Variants in GRM7 observed in about 807,000 individuals in gnomAD.
GRM7 encodes glutamate metabotropic receptor 7.
In GRM7, 35 loss-of-function variants were observed where a neutral mutation model predicts 84.5. The observed-to-expected ratio is 0.41, with a 90% CI of 0.32 to 0.55. The LOEUF (loss-of-function observed/expected upper bound fraction) is 0.55, where lower values mean the gene tolerates loss of function less well. GRM7 is among the 20% of genes least tolerant of loss of function. The pLI is 0.19. For synonymous variants in GRM7, 487 were observed against 455.1 expected (o/e 1.07, Z -0.89); for missense variants, 1,003 against 1,194.6 (o/e 0.84, Z 2.36).
At chr3:7,397,566 A>C (rs1695262054) in intron 4 of GRM7, among the ~76,000 whole-genome samples, 1 of 152,158 alleles carries the variant, frequency 6.6e-6, no homozygotes, top group South Asian at 2.1e-4. Flanking sequence ...GAGTGTTTTT[A>C]ATATGCACCA....
At chr3:7,293,051 A>AT (rs55869937) in intron 2 of GRM7, among the ~76,000 whole-genome samples, 1 of 151,126 alleles carries the variant, frequency 6.6e-6, no homozygotes, top group African/African-American at 2.4e-5. Flanking sequence ...AAAAAAAAAA[A>AT]TTGAGCTTTT....
chr3:7,510,756 GAAT>G (rs1700174698), intron 7 of GRM7, among the ~76,000 whole-genome samples: 2 of 152,020 alleles, frequency 1.3e-5, no homozygotes, highest in Admixed American at 6.6e-5. Flanking sequence ...ATCAAAACAA[GAAT>G]AATATGTCAT....
intron 2 of GRM7, among the ~76,000 whole-genome samples, chr3:7,184,756 C>A (rs1695458561): frequency 1.3e-5 from 2 of 151,984 alleles, no homozygotes; most frequent in South Asian, 4.2e-4. Flanking sequence ...TTTTTATGAA[C>A]AATGTTGTGG....
intron 4 of GRM7, among the ~76,000 whole-genome samples, chr3:7,393,931 G>A (rs1006922647): frequency 3.9e-5 from 6 of 152,170 alleles, no homozygotes; most frequent in Non-Finnish European, 5.9e-5. Context: ...ATTACCAGTA[G>A]TAATTATAAC....
chr3:7,227,779 G>C lies in GRM7; in HGVS notation c.737-70905G>C, dbSNP rs976529243. 5.9e-5 allele frequency among the ~76,000 whole-genome samples: 9 copies of C among 152,128 alleles called. No individual in the cohort carries two copies. In the South Asian group the frequency reaches 1.5e-3, roughly 25 times the overall value. On this transcript the variant is annotated intron_variant, in intron 2 of 9. Transcript: ENST00000357716. ...CAAACTGTGAGAGGATTTTCACTGG[G>C]TATTATATTGAATAAGACTTCTCTG...
At chr3:7,143,962 C>T (rs1045276198) in intron 1 of GRM7, among the ~76,000 whole-genome samples, 2 of 152,052 alleles carry the variant, frequency 1.3e-5, no homozygotes, top group African/African-American at 4.8e-5. Flanking sequence ...TTACCTAAAA[C>T]TTATAATCTC....
chr3:7,657,597 C>T (rs747009657), intron 8 of GRM7, among the ~76,000 whole-genome samples: 23 of 152,096 alleles, frequency 1.5e-4, no homozygotes, highest in African/African-American at 5.3e-4. Context: ...AATTTATTTC[C>T]ATTTTTTAAA....
rs1397370261 is a variant in GRM7, at chr3:7,091,243, T to C, written c.520-55209T>C. Reference sequence around the variant, plus strand: ...AAAAAAAGAAAAAAGAAAAATTATATGCTAGAGCAACCCATGAACTTGCTA... The same window carrying C: ...AAAAAAAGAAAAAAGAAAAATTATACGCTAGAGCAACCCATGAACTTGCTA... On this transcript the variant is annotated intron_variant, in intron 1 of 9. Transcript: ENST00000357716. Among the ~76,000 whole-genome samples, 3 of 151,936 alleles carry C rather than the reference T, an allele frequency of 2.0e-5. No homozygotes were observed. In the East Asian group the frequency reaches 5.8e-4, roughly 29 times the overall value.
chr3:6,977,520 T>G (rs1255916051), intron 1 of GRM7, among the ~76,000 whole-genome samples: 1 of 152,150 alleles, frequency 6.6e-6, no homozygotes, highest in East Asian at 1.9e-4. Flanking sequence ...GACGTCTAAA[T>G]TTAGATTCAG....
chr3:7,654,960 T>C lies in GRM7; in HGVS notation c.2452-25089T>C, dbSNP rs191853174. Among the ~76,000 whole-genome samples the C allele has an allele frequency of 8.7e-4, 133 of 152,296 alleles. 1 individual carries two copies. Among genetic ancestry groups the C allele is most frequent in the African/African-American group, 3.0e-3 (123 of 41,572 alleles). ...ACCTTCCTCTCTTCCCTTTCCCTCT[T>C]ACACTGGGAAGTCAATGCACTTACA... On this transcript the variant is annotated intron_variant, in intron 8 of 9. Transcript: ENST00000357716.
At chr3:7,380,960 T>C (rs1158894525) in intron 4 of GRM7, among the ~76,000 whole-genome samples, 2 of 152,052 alleles carry the variant, frequency 1.3e-5, no homozygotes, top group African/African-American at 4.8e-5. Context: ...AGGAAGACCG[T>C]GTGTTTTGAA....
At chr3:7,249,514 T>C (rs1697899230) in intron 2 of GRM7, among the ~76,000 whole-genome samples, 1 of 152,210 alleles carries the variant, frequency 6.6e-6, no homozygotes, top group African/African-American at 2.4e-5. Flanking sequence ...TTAAAAACTA[T>C]AGTGGTATAT....
intron 9 of GRM7, among the ~76,000 whole-genome samples, chr3:7,727,132 C>T (rs555847883): frequency 1.3e-5 from 2 of 152,060 alleles, no homozygotes; most frequent in Non-Finnish European, 2.9e-5. Flanking sequence ...AGCACATAAG[C>T]ATTTTCTATG....
intron 1 of GRM7, among the ~76,000 whole-genome samples, chr3:7,063,678 G>GA (rs1387687830): frequency 2.6e-4 from 40 of 151,718 alleles, no homozygotes; most frequent in African/African-American, 9.4e-4. Context: ...ACACCAACTG[G>GA]AAAAAGAAAC....
At chr3:7,196,396 T>C (rs1308869257) in intron 2 of GRM7, among the ~76,000 whole-genome samples, 1 of 152,144 alleles carries the variant, frequency 6.6e-6, no homozygotes, top group Non-Finnish European at 1.5e-5. Context: ...CTCAGCCAAC[T>C]TGACACATAC....
At chr3:7,470,468 C>T (rs981087935) in intron 7 of GRM7, among the ~76,000 whole-genome samples, 3 of 152,132 alleles carry the variant, frequency 2.0e-5, no homozygotes, top group African/African-American at 7.2e-5. Context: ...TTCCTTTTGT[C>T]AGCATCTCTC....
At chr3:7,539,970 C>T (rs1015802827) in intron 7 of GRM7, among the ~76,000 whole-genome samples, 4 of 152,066 alleles carry the variant, frequency 2.6e-5, no homozygotes, top group Non-Finnish European at 4.4e-5. Context: ...TTAGAAAGTA[C>T]TTTTATTTCT....
intron 1 of GRM7, among the ~76,000 whole-genome samples, chr3:6,998,614 A>G (rs769074480): frequency 2.6e-5 from 4 of 152,212 alleles, no homozygotes; most frequent in Non-Finnish European, 5.9e-5. Context: ...TCCTGCACCA[A>G]ACTTCTGCCT....
At chr3:7,254,023 A>G (rs1698108195) in intron 2 of GRM7, among the ~76,000 whole-genome samples, 1 of 152,118 alleles carries the variant, frequency 6.6e-6, no homozygotes, top group South Asian at 2.1e-4. Flanking sequence ...CCAACCCTGG[A>G]GGTCACCCAG....
Sources: allele counts gnomAD v4.1 joint callset (sites outside exome capture counted in the v4.1 genomes callset), GRCh38; gene constraint gnomAD v4.1.1; transcripts MANE v1.5; gene names NCBI Gene and HGNC (gene_info 2026-07-23, HGNC 2026-07-21).